The following WWOX variants were observed in gnomAD, a reference collection of about 807,000 sequenced individuals.
The protein encoded by WWOX is WW domain-containing oxidoreductase.
WWOX carries 69 observed loss-of-function variants against 46.2 expected under a neutral mutation model. That is an observed-to-expected ratio of 1.49 (90% CI 1.23 to 1.82). The LOEUF is 1.82. Ranked by LOEUF, WWOX falls within the 40% of genes most tolerant of loss-of-function variation. WWOX has a pLI of 0.00. For missense variants in WWOX, 919 were observed against 542.6 expected, an observed-to-expected ratio of 1.69 and a Z score of -6.89; for synonymous variants, 359 against 202.6, an observed-to-expected ratio of 1.77 and a Z score of -6.56.
At chr16:78,762,443 T>C (rs2049817614) in intron 8 of WWOX, among the ~76,000 whole-genome samples, 2 of 152,206 alleles carry the variant, frequency 1.3e-5, no homozygotes, top group Non-Finnish European at 2.9e-5. Context: ...CACTTCCCAC[T>C]GAGTCGAATA....
chr16:78,367,066 G>C (rs1266001321), intron 5 of WWOX, among the ~76,000 whole-genome samples: 1 of 140,518 alleles, frequency 7.1e-6, no homozygotes, highest in Non-Finnish European at 1.5e-5. Flanking sequence ...AGCAAGCTCT[G>C]CCTCCCAGGT....
chr16:78,688,568 C>T (rs775567383), intron 8 of WWOX, among the ~76,000 whole-genome samples: 1 of 152,184 alleles, frequency 6.6e-6, no homozygotes, highest in Non-Finnish European at 1.5e-5. Context: ...TGTCCCCCTC[C>T]ATCCTGCAGG....
At chr16:78,961,955 C>T (rs190255181) in intron 8 of WWOX, among the ~76,000 whole-genome samples, 135 of 152,174 alleles carry the variant, frequency 8.9e-4, no homozygotes, top group African/African-American at 2.9e-3. Context: ...AGGGATGGAC[C>T]CAGCAGCCAA....
chr16:78,757,134 T>C (rs1438138894), intron 8 of WWOX: 1 of 641,418 alleles, frequency 1.6e-6, no homozygotes, highest in Non-Finnish European at 2.8e-6. Flanking sequence ...ACCACCGAGC[T>C]AAGCTGCTCA....
intron 8 of WWOX, among the ~76,000 whole-genome samples, chr16:78,556,037 G>C (rs1282236710): frequency 6.6e-6 from 1 of 152,126 alleles, no homozygotes; most frequent in Non-Finnish European, 1.5e-5. Context: ...GGTCCAGCCA[G>C]GCCCGGGCTA....
chr16:78,127,394 C>G (rs991535645), intron 4 of WWOX, among the ~76,000 whole-genome samples: 9 of 151,860 alleles, frequency 5.9e-5, no homozygotes, highest in Non-Finnish European at 1.3e-4. Context: ...GTGAATTTGT[C>G]CTAAAATGAC....
chr16:78,964,774 A>G (rs929977854), intron 8 of WWOX, among the ~76,000 whole-genome samples: 1 of 152,210 alleles, frequency 6.6e-6, no homozygotes, highest in Non-Finnish European at 1.5e-5. Flanking sequence ...TCCCAGGAGG[A>G]AAAAATGATT....
chr16:78,686,948 C>G (rs904783113), intron 8 of WWOX, among the ~76,000 whole-genome samples: 1 of 152,338 alleles, frequency 6.6e-6, no homozygotes, highest in South Asian at 2.1e-4. Flanking sequence ...GCAGCTAAGG[C>G]TTGTGCCTTG....
chr16:78,684,974 T>A (rs142471318), intron 8 of WWOX, among the ~76,000 whole-genome samples: 2 of 152,190 alleles, frequency 1.3e-5, no homozygotes, highest in African/African-American at 4.8e-5. Context: ...GTGGGCCTCT[T>A]TGGGGAGTGT....
chr16:78,477,666 A>G (rs1052149517), intron 8 of WWOX, among the ~76,000 whole-genome samples: 1 of 152,186 alleles, frequency 6.6e-6, no homozygotes, highest in African/African-American at 2.4e-5. Context: ...TATATAAATC[A>G]TATTTTAGCC....
intron 8 of WWOX, among the ~76,000 whole-genome samples, chr16:78,889,743 G>A (rs1322972788): frequency 2.0e-5 from 3 of 152,120 alleles, no homozygotes; most frequent in African/African-American, 2.4e-5. Context: ...TAACTTGTGC[G>A]ATATAGTTCC....
At chr16:78,348,467 A>T (rs73565381) in intron 5 of WWOX, among the ~76,000 whole-genome samples, 15,309 of 119,810 alleles carry the variant, frequency 0.13, 4,900 homozygotes, top group African/African-American at 0.38. Flanking sequence ...TGTTTATTTT[A>T]TTTTAGTTTT....
At chr16:78,664,583 G>A (rs1478936705) in intron 8 of WWOX, among the ~76,000 whole-genome samples, 1 of 152,188 alleles carries the variant, frequency 6.6e-6, no homozygotes, top group Admixed American at 6.5e-5. Context: ...AGAGCTGGCA[G>A]TGTCAAAACT....
At chr16:79,178,824 A>T (rs1441859815) in intron 8 of WWOX, among the ~76,000 whole-genome samples, 2 of 152,208 alleles carry the variant, frequency 1.3e-5, no homozygotes, top group African/African-American at 4.8e-5. Context: ...TTTCTTTTGA[A>T]TAATAGAAAC....
At chr16:78,145,635 C>G (rs142748322) in intron 4 of WWOX, among the ~76,000 whole-genome samples, 2 of 152,142 alleles carry the variant, frequency 1.3e-5, no homozygotes, top group African/African-American at 2.4e-5. Flanking sequence ...TGGAAACACC[C>G]GCACAGACAC....
intron 8 of WWOX, among the ~76,000 whole-genome samples, chr16:78,855,396 A>C (rs1463169873): frequency 3.9e-5 from 6 of 152,184 alleles, no homozygotes; most frequent in East Asian, 3.9e-4. Flanking sequence ...GGAAAAAAAA[A>C]CACTTTTGTT....
intron 8 of WWOX, among the ~76,000 whole-genome samples, chr16:78,512,730 A>G (rs2085392053): frequency 6.6e-6 from 1 of 152,244 alleles, no homozygotes; most frequent in Non-Finnish European, 1.5e-5. Context: ...TTTCACAAGT[A>G]CTTGCACTAG....
intron 8 of WWOX, among the ~76,000 whole-genome samples, chr16:78,915,025 A>C (rs1393991617): frequency 6.6e-6 from 1 of 152,194 alleles, no homozygotes; most frequent in Non-Finnish European, 1.5e-5. Context: ...AAAACATAGA[A>C]AATGATCACT....
chr16:78,527,378 C>A (rs568941414), intron 8 of WWOX, among the ~76,000 whole-genome samples: 1 of 150,232 alleles, frequency 6.7e-6, no homozygotes, highest in Non-Finnish European at 1.5e-5. Flanking sequence ...ACTGCCACCT[C>A]TGCCTCCTGT....
Sources: gnomAD v4.1 joint callset for allele counts (sites outside exome capture counted in the v4.1 genomes callset) on GRCh38, gnomAD v4.1.1 for gene constraint, MANE v1.5 for transcripts, NCBI Gene and HGNC (gene_info 2026-07-23, HGNC 2026-07-21) for gene names.